PCSK6: variants seen among roughly 807,000 people sequenced by gnomAD.
PCSK6 encodes the protein paired basic amino acid cleaving enzyme 4.
PCSK6 carries 85 observed loss-of-function variants against 123.3 expected under a neutral mutation model. The observed-to-expected ratio is 0.69, with a 90% CI of 0.58 to 0.83. PCSK6 has a LOEUF of 0.83. Ranked by LOEUF, PCSK6 falls within the 40% of genes least tolerant of loss-of-function variation. PCSK6 has a pLI of 0.00. For synonymous variants in PCSK6, 508 were observed against 516.0 expected (o/e 0.98, Z 0.21); for missense variants, 1,191 against 1,282.3 (o/e 0.93, Z 1.09).
intron 13 of PCSK6, among the ~76,000 whole-genome samples, chr15:101,356,900 C>A (rs984742563): frequency 6.6e-6 from 1 of 152,122 alleles, no homozygotes; most frequent in Non-Finnish European, 1.5e-5. Flanking sequence ...TGATGTGCTA[C>A]TCAACCTTTA....
At chr15:101,488,639 C>T (rs1203764526) in intron 1 of PCSK6, among the ~76,000 whole-genome samples, 1 of 152,138 alleles carries the variant, frequency 6.6e-6, no homozygotes, top group East Asian at 1.9e-4. Flanking sequence ...GAGCGACTTG[C>T]CAAAGGTCAC....
chr15:101,468,948 G>C (rs1170777461), intron 1 of PCSK6, among the ~76,000 whole-genome samples: 10 of 152,182 alleles, frequency 6.6e-5, no homozygotes, highest in Non-Finnish European at 1.5e-4. Context: ...TGAATGATTT[G>C]ACATTCAAGG....
At chr15:101,384,495 CAGGGG>C in intron 9 of PCSK6, 70 bp from the exon 10 acceptor site, 1 of 1,377,348 alleles carries the variant, frequency 7.3e-7, no homozygotes, top group Non-Finnish European at 1.0e-6. Context: ...CACTCAGAGG[CAGGGG>C]GTCGGCAGCC....
At chr15:101,320,944 C>A (rs1226055007) in intron 18 of PCSK6, among the ~76,000 whole-genome samples, 1 of 152,220 alleles carries the variant, frequency 6.6e-6, no homozygotes, top group Non-Finnish European at 1.5e-5. Flanking sequence ...TTTAGCACAC[C>A]ATTCCTACAT....
At position 101,398,423 on chromosome 15, in the gene PCSK6, A is replaced by C; in HGVS notation, c.977T>G (p.Phe326Cys). The change falls in exon 7 of 22, where the codon TTC becomes TGC. Residue 326 changes from phenylalanine (F) to cysteine (C), a missense_variant. Around this residue, in one of 3 missense-constraint regions of PCSK6, gnomAD observed 357 missense variants for 484.5 expected, o/e 0.74. Transcript: ENST00000611716. The surrounding 1 kb of genome is among the most constrained non-coding windows in gnomAD (Gnocchi z 4.6). Reference sequence around the variant, plus strand: ...TCACACCTTTTTAATGCCATACTCGAAAGCCTGCTTAGCCAGTCGGCCGGG... The same window carrying C: ...TCACACCTTTTTAATGCCATACTCGCAAGCCTGCTTAGCCAGTCGGCCGGG... ...DGPGRLAKQA[F>C]EYGIKKGRQG... 1.9e-6 allele frequency: 3 copies of C among 1,612,428 alleles called. No homozygotes were observed. The highest frequency in any genetic ancestry group is 2.5e-6 in the Non-Finnish European group (3 of 1,178,736).
intron 1 of PCSK6, among the ~76,000 whole-genome samples, chr15:101,476,713 G>A (rs1054682691): frequency 6.6e-6 from 1 of 152,158 alleles, no homozygotes; most frequent in Non-Finnish European, 1.5e-5. Flanking sequence ...AGGGGAGGAA[G>A]GAGATTTTGG....
intron 1 of PCSK6, among the ~76,000 whole-genome samples, chr15:101,468,553 C>G (rs968034549): frequency 6.6e-5 from 10 of 152,210 alleles, no homozygotes; most frequent in Non-Finnish European, 1.5e-4. Flanking sequence ...AATTTCAGCT[C>G]TCGTGTCAGA....
intron 6 of PCSK6, among the ~76,000 whole-genome samples, chr15:101,403,192 GTTCTCAC>G (rs1018879194): frequency 1.4e-5 from 2 of 145,950 alleles, no homozygotes; most frequent in African/African-American, 2.5e-5. Flanking sequence ...AACACCGCAT[GTTCTCAC>G]TCATAGGTGG....
chr15:101,357,781 TC>T (rs1298879193), intron 13 of PCSK6, among the ~76,000 whole-genome samples: 1 of 152,172 alleles, frequency 6.6e-6, no homozygotes, highest in Non-Finnish European at 1.5e-5. Flanking sequence ...ACACGGATTT[TC>T]ACCCTTCCTC....
At chr15:101,354,089 A>G in intron 13 of PCSK6, among the ~76,000 whole-genome samples, 1 of 152,190 alleles carries the variant, frequency 6.6e-6, no homozygotes, top group East Asian at 1.9e-4. Flanking sequence ...GATGGATCTG[A>G]GAAGCAGGCC....
At chr15:101,480,107 C>G (rs796908391) in intron 1 of PCSK6, among the ~76,000 whole-genome samples, 24 of 152,352 alleles carry the variant, frequency 1.6e-4, no homozygotes, top group African/African-American at 5.5e-4. Context: ...TGATGGATTC[C>G]CCCCAGGGCG....
At chr15:101,426,548 G>C (rs1184948394) in intron 6 of PCSK6, among the ~76,000 whole-genome samples, 6 of 152,190 alleles carry the variant, frequency 3.9e-5, no homozygotes, top group Admixed American at 3.3e-4. Context: ...GCGCCCTTGG[G>C]GGTTAATTCT....
At chr15:101,403,287 G>T (rs1237540603) in intron 6 of PCSK6, among the ~76,000 whole-genome samples, 1 of 106,340 alleles carries the variant, frequency 9.4e-6, no homozygotes, top group Non-Finnish European at 1.8e-5. Flanking sequence ...GGGGGGAGGG[G>T]GGAGGGATAG....
chr15:101,404,274 C>A (rs970720867), intron 6 of PCSK6, among the ~76,000 whole-genome samples: 1 of 152,178 alleles, frequency 6.6e-6, no homozygotes, highest in Admixed American at 6.5e-5. Context: ...TTCCTTTCCC[C>A]CTTTTATAGG....
At chr15:101,403,865 G>A (rs562852579) in intron 6 of PCSK6, among the ~76,000 whole-genome samples, 5 of 152,092 alleles carry the variant, frequency 3.3e-5, no homozygotes, top group Non-Finnish European at 7.4e-5. Context: ...GATTACAGGC[G>A]CCCGCCACCA....
At chr15:101,415,997 G>A (rs2055875300) in intron 6 of PCSK6, among the ~76,000 whole-genome samples, 1 of 152,228 alleles carries the variant, frequency 6.6e-6, no homozygotes, top group Non-Finnish European at 1.5e-5. Context: ...GGTGCCCATA[G>A]AGTGGGCATT....
At chr15:101,405,809 T>C (rs1010755939) in intron 6 of PCSK6, among the ~76,000 whole-genome samples, 1 of 152,054 alleles carries the variant, frequency 6.6e-6, no homozygotes, top group African/African-American at 2.4e-5. Flanking sequence ...AGTGGCGTGA[T>C]CTCAGCTCAC....
intron 13 of PCSK6, chr15:101,337,399 C>T (rs1489448445): frequency 6.6e-6 from 1 of 152,120 alleles, no homozygotes; most frequent in Non-Finnish European, 1.5e-5. Flanking sequence ...GAATTCCATA[C>T]CTATGGCATA....
chr15:101,347,837 C>G, intron 13 of PCSK6: 2 of 1,384,610 alleles, frequency 1.4e-6, no homozygotes, highest in Non-Finnish European at 2.1e-6. Context: ...GAGGTGCAAT[C>G]CCAGGGCAAC....
Sources: gnomAD v4.1 joint callset for allele counts (sites outside exome capture counted in the v4.1 genomes callset) on GRCh38, gnomAD v4.1.1 for gene constraint, gnomAD v4.1.1 regional missense constraint, Gnocchi (gnomAD v3.1) non-coding constraint, MANE v1.5 for transcripts, NCBI Gene and HGNC (gene_info 2026-07-23, HGNC 2026-07-21) for gene names.